Variants in SYN3 observed in about 807,000 individuals in gnomAD.
The protein encoded by SYN3 is synapsin III.
In SYN3, 35 loss-of-function variants were observed where a neutral mutation model predicts 65.8. The ratio of observed to expected loss-of-function variants is 0.53; its 90% CI spans 0.41 to 0.70. The LOEUF (loss-of-function observed/expected upper bound fraction) is 0.70. SYN3 is among the 30% of genes least tolerant of loss of function. The pLI, the probability that SYN3 is intolerant of heterozygous loss-of-function variation, is 0.00. For missense variants in SYN3, 680 were observed against 749.0 expected (o/e 0.91, Z 1.08); for synonymous variants, 270 against 292.9 (o/e 0.92, Z 0.80).
In SYN3 at chr22:32,869,689, G is replaced by GTTTTTTTTTTTTT. The variant is rs1288480674; in HGVS notation, c.462-565_462-564insAAAAAAAAAAAAA. On this transcript the variant is annotated intron_variant, in intron 4 of 13. Coordinates refer to ENST00000358763, the MANE Select transcript of SYN3 (RefSeq NM_003490.4). ...GATCTCAAATCAACCAACACATCTT[G>GTTTTTTTTTTTTT]GTTTTTTTTTTTTTTTTTTTTTTCA... 1.7e-5 allele frequency among the ~76,000 whole-genome samples: 2 copies of GTTTTTTTTTTTTT among 118,448 alleles called. 1 individual carries two copies. The allele number at this position is 118,448 out of a possible 152,430, so 77.7% of individuals were successfully genotyped here. A position where few individuals can be genotyped will look rare whatever the true frequency, so the allele number is the denominator to read the frequency against.
intron 3 of SYN3, among the ~76,000 whole-genome samples, chr22:32,950,402 C>T (rs1450451977): frequency 6.6e-6 from 1 of 152,100 alleles, no homozygotes; most frequent in Non-Finnish European, 1.5e-5. Context: ...CACATTCTGC[C>T]TCTCTGTAGC....
At chr22:32,574,694 C>T (rs118099035) in intron 7 of SYN3, among the ~76,000 whole-genome samples, 2,997 of 152,262 alleles carry the variant, frequency 0.02, 34 homozygotes, top group Non-Finnish European at 0.029. Context: ...CTTGGTACTC[C>T]CTCTGCCTGC....
chr22:32,559,089 A>G (rs952028908), intron 7 of SYN3, among the ~76,000 whole-genome samples: 1 of 152,244 alleles, frequency 6.6e-6, no homozygotes, highest in African/African-American at 2.4e-5. Flanking sequence ...TAACAATCCT[A>G]TGAGGTAAGT....
At chr22:32,549,955 G>A (rs2058388312) in intron 7 of SYN3, among the ~76,000 whole-genome samples, 1 of 152,168 alleles carries the variant, frequency 6.6e-6, no homozygotes, top group South Asian at 2.1e-4. Flanking sequence ...AGAGGGAAGG[G>A]AAGCGGGAGG....
intron 6 of SYN3, among the ~76,000 whole-genome samples, chr22:32,606,851 A>T (rs1005021137): frequency 2.6e-5 from 4 of 151,176 alleles, no homozygotes; most frequent in Non-Finnish European, 5.9e-5. Flanking sequence ...TTAAAAAATA[A>T]TTATTTATTT....
chr22:32,604,457 A>C (rs77647852), intron 6 of SYN3, among the ~76,000 whole-genome samples: 5,425 of 117,194 alleles, frequency 0.046, 203 homozygotes, highest in African/African-American at 0.13. Flanking sequence ...TCTTTGCGTA[A>C]GCTGTTCCCT....
At chr22:32,683,228 C>A (rs1210386062) in intron 6 of SYN3, among the ~76,000 whole-genome samples, 4 of 152,184 alleles carry the variant, frequency 2.6e-5, no homozygotes, top group East Asian at 3.9e-4. Context: ...CTTTCTTCTG[C>A]GGAGGGGAGC....
intron 12 of SYN3, among the ~76,000 whole-genome samples, chr22:32,522,408 C>G (rs1210439258): frequency 2.6e-5 from 4 of 152,094 alleles, no homozygotes; most frequent in Non-Finnish European, 4.4e-5. Flanking sequence ...AATACAGTAG[C>G]TCTCTGTTTT....
At chr22:32,682,314 CT>C (rs975439265) in intron 6 of SYN3, among the ~76,000 whole-genome samples, 12 of 152,166 alleles carry the variant, frequency 7.9e-5, no homozygotes, top group Non-Finnish European at 1.5e-4. Flanking sequence ...GACTGAGAGA[CT>C]GGTTGAGAGC....
chr22:32,732,452 C>T (rs770381594), intron 6 of SYN3, among the ~76,000 whole-genome samples: 2 of 152,208 alleles, frequency 1.3e-5, no homozygotes, highest in Admixed American at 1.3e-4. Context: ...CTTCAGCTTC[C>T]TGGTGACTCC....
intron 6 of SYN3, among the ~76,000 whole-genome samples, chr22:32,608,868 T>C (rs1009605385): frequency 3.3e-5 from 5 of 152,230 alleles, no homozygotes; most frequent in African/African-American, 1.2e-4. Context: ...TCTTTGGGGA[T>C]AATTTAAACT....
chr22:33,007,840 C>A (rs2145806026), intron 1 of SYN3, among the ~76,000 whole-genome samples: 1 of 152,322 alleles, frequency 6.6e-6, no homozygotes, highest in Non-Finnish European at 1.5e-5. Flanking sequence ...GTTTAAAAAA[C>A]CCACACTGTT....
intron 6 of SYN3, chr22:32,859,683 A>T: frequency 5.5e-6 from 2 of 365,684 alleles, no homozygotes; most frequent in East Asian, 5.6e-5. Context: ...CTATTTTTTT[A>T]GGAAAACAAA....
At chr22:32,812,451 C>T (rs713685) in intron 6 of SYN3, among the ~76,000 whole-genome samples, 11,611 of 152,198 alleles carry the variant, frequency 0.076, 546 homozygotes, top group Non-Finnish European at 0.11. Flanking sequence ...CAGACTTAGT[C>T]GATGGCTAGA....
At chr22:32,678,403 C>A (rs976294808) in intron 6 of SYN3, among the ~76,000 whole-genome samples, 3 of 152,104 alleles carry the variant, frequency 2.0e-5, no homozygotes, top group African/African-American at 7.2e-5. Flanking sequence ...ACACAGAACG[C>A]CCCAGCCACA....
intron 6 of SYN3, among the ~76,000 whole-genome samples, chr22:32,823,471 G>A (rs2146078877): frequency 6.6e-6 from 1 of 152,238 alleles, no homozygotes; most frequent in East Asian, 1.9e-4. Flanking sequence ...GATGCAGTGG[G>A]CCGTCTGTGT....
chr22:32,869,159 G>C (rs778166681), intron 4 of SYN3, 34 bp from the exon 5 acceptor site: 18 of 1,597,072 alleles, frequency 1.1e-5, no homozygotes, highest in African/African-American at 2.7e-5. Context: ...ACCACACTGG[G>C]ACATTGATGA....
At chr22:32,905,675 G>A (rs2049883093) in intron 4 of SYN3, among the ~76,000 whole-genome samples, 1 of 152,188 alleles carries the variant, frequency 6.6e-6, no homozygotes, top group Admixed American at 6.5e-5. Flanking sequence ...CTCCCACATA[G>A]CTGATAAGTA....
At chr22:32,531,811 A>T (rs1330159751) in intron 10 of SYN3, among the ~76,000 whole-genome samples, 1 of 151,022 alleles carries the variant, frequency 6.6e-6, no homozygotes, top group African/African-American at 2.4e-5. Flanking sequence ...GCGAGGAAAA[A>T]AAAAATCTGA....
Sources: gnomAD v4.1 joint callset for allele counts (sites outside exome capture counted in the v4.1 genomes callset) on GRCh38, gnomAD v4.1.1 for gene constraint, MANE v1.5 for transcripts, NCBI Gene and HGNC (gene_info 2026-07-23, HGNC 2026-07-21) for gene names.